Variants in UBE2V2 observed in about 807,000 individuals in gnomAD.
UBE2V2 encodes the protein ubiquitin conjugating enzyme E2 V2.
A neutral mutation model predicts 17.2 loss-of-function variants in UBE2V2; 9 were observed. The ratio of observed to expected loss-of-function variants is 0.52; its 90% CI spans 0.32 to 0.91. The LOEUF (loss-of-function observed/expected upper bound fraction) is 0.91. Among genes scored for constraint, UBE2V2 ranks in the 40% least tolerant of loss-of-function variants. The pLI, the probability that UBE2V2 is intolerant of heterozygous loss-of-function variation, is 0.04. For synonymous variants in UBE2V2, 61 were observed against 57.5 expected (o/e 1.06, Z -0.28); for missense variants, 133 against 182.6 (o/e 0.73, Z 1.56).
In UBE2V2 at chr8:48,060,161, G is replaced by C. The variant is rs141857754; in HGVS notation, c.292-521G>C. Among the ~76,000 whole-genome samples the C allele has an allele frequency of 8.9e-3, 1,239 of 139,236 alleles. 10 individuals are homozygous for C. Among genetic ancestry groups the C allele is most frequent in the Non-Finnish European group, 0.012 (777 of 66,262 alleles). 91.3% of individuals were successfully genotyped at this position (139,236 alleles called of 152,430 possible). A position where few individuals can be genotyped will look rare whatever the true frequency, so the allele number is the denominator to read the frequency against. On this transcript the variant is annotated intron_variant, in intron 3 of 3. Coordinates refer to ENST00000523111, the MANE Select transcript of UBE2V2 (RefSeq NM_003350.3). ...GGAGGCGGAAGTTGCAGTGAGCCAGGATCGCACCACTGTACTCCAGCCTGG... is the reference window on the plus strand; with the variant it reads ...GGAGGCGGAAGTTGCAGTGAGCCAGCATCGCACCACTGTACTCCAGCCTGG...
upstream of UBE2V2, among the ~76,000 whole-genome samples, chr8:48,007,808 G>A (rs1457666402): frequency 6.6e-6 from 1 of 151,138 alleles, no homozygotes; most frequent in Non-Finnish European, 1.5e-5. Context: ...TCTGCTCACT[G>A]CAGCCTCACC....
chr8:48,047,428 G>T (rs1485926845), intron 2 of UBE2V2, among the ~76,000 whole-genome samples: 15 of 152,152 alleles, frequency 9.9e-5, no homozygotes, highest in Admixed American at 9.8e-4. Flanking sequence ...AACAGTGTGA[G>T]AATTAAGTGA....
intron 1 of UBE2V2, among the ~76,000 whole-genome samples, chr8:48,019,315 G>C (rs1372883764): frequency 6.6e-6 from 1 of 152,078 alleles, no homozygotes; most frequent in East Asian, 1.9e-4. Flanking sequence ...AGTAAGCCGA[G>C]ATCACGGCAC....
intron 1 of UBE2V2, among the ~76,000 whole-genome samples, chr8:48,010,974 GC>G (rs1437919098): frequency 7.2e-5 from 10 of 139,162 alleles, no homozygotes; most frequent in Admixed American, 3.7e-4. Context: ...CAGGCAATCC[GC>G]CCACCTTGGC....
chr8:48,064,072 CTT>C lies in UBE2V2; in HGVS notation c.*3247_*3248del, dbSNP rs758044151. 2 of 152,128 alleles carry C rather than the reference CTT, an allele frequency of 1.3e-5. No individual in the cohort carries two copies. The highest frequency in any genetic ancestry group is 2.9e-5 in the Non-Finnish European group (2 of 68,028). 9.4% of individuals were successfully genotyped at this position (152,128 alleles called of 1,614,324 possible). On this transcript the variant is annotated 3_prime_UTR_variant, in exon 4 of 4. Coordinates refer to ENST00000523111, the MANE Select transcript of UBE2V2 (RefSeq NM_003350.3). ...GCCTGCCATCAAAACTGTATCAACT[CTT>C]TTAATGAGCATGTGACTGTATTAGG...
chr8:48,052,838 C>T (rs2091547935), intron 3 of UBE2V2, among the ~76,000 whole-genome samples: 1 of 152,188 alleles, frequency 6.6e-6, no homozygotes. Flanking sequence ...AAGACCTTTG[C>T]ACTTCTGTTC....
intron 1 of UBE2V2, among the ~76,000 whole-genome samples, chr8:48,010,495 G>C (rs565619173): frequency 1.4e-5 from 2 of 144,404 alleles, no homozygotes; most frequent in African/African-American, 5.1e-5. Context: ...TCCGCCTCCC[G>C]GGCTCAAGCG....
At chr8:48,020,600 A>T in intron 1 of UBE2V2, among the ~76,000 whole-genome samples, 1 of 150,700 alleles carries the variant, frequency 6.6e-6, no homozygotes, top group African/African-American at 2.4e-5. Flanking sequence ...TTGGTGGTTG[A>T]TTTTCTCTAG....
At chr8:48,020,436 G>GT (rs1554654257) in intron 1 of UBE2V2, among the ~76,000 whole-genome samples, 2 of 151,756 alleles carry the variant, frequency 1.3e-5, no homozygotes, top group Non-Finnish European at 2.9e-5. Context: ...GTTGGGTCTT[G>GT]TTTTTTTTAA....
At chr8:48,056,634 C>A (rs1359137162) in intron 3 of UBE2V2, among the ~76,000 whole-genome samples, 1 of 152,016 alleles carries the variant, frequency 6.6e-6, no homozygotes, top group African/African-American at 2.4e-5. Context: ...TCAAGAGATC[C>A]ACCCGCCTAT....
rs1162662824 is a variant in UBE2V2 at position 48,062,000 on chromosome 8, C to G, written c.*1172C>G. The stretch of plus-strand genomic sequence containing the variant: ...GGGCTTTTAATACTAACAAGGATAA[C>G]TTTATTCATTCCTCGTATTCTCTAC... On this transcript the variant is annotated 3_prime_UTR_variant, in exon 4 of 4. Coordinates refer to ENST00000523111, the MANE Select transcript of UBE2V2 (RefSeq NM_003350.3). 6.6e-6 allele frequency: 1 copy of G among 152,154 alleles called. No individual in the cohort carries two copies. The highest frequency in any genetic ancestry group is 2.4e-5 in the African/African-American group (1 of 41,432). 9.4% of individuals were successfully genotyped at this position (152,154 alleles called of 1,614,324 possible). A position where few individuals can be genotyped will look rare whatever the true frequency, so the allele number is the denominator to read the frequency against.
chr8:48,060,280 A>T (rs865921828), intron 3 of UBE2V2, among the ~76,000 whole-genome samples: 1 of 151,890 alleles, frequency 6.6e-6, no homozygotes, highest in South Asian at 2.1e-4. Context: ...GGAAAGAAAA[A>T]TCTGAAAGAA....
At chr8:48,036,504 G>A (rs1224768330) in intron 1 of UBE2V2, among the ~76,000 whole-genome samples, 2 of 151,854 alleles carry the variant, frequency 1.3e-5, no homozygotes, top group Non-Finnish European at 2.9e-5. Flanking sequence ...TGCGATCTTG[G>A]CTCACTGCAA....
intron 1 of UBE2V2, among the ~76,000 whole-genome samples, chr8:48,035,378 C>T (rs578033028): frequency 6.6e-6 from 1 of 151,886 alleles, no homozygotes; most frequent in Admixed American, 6.6e-5. Context: ...ACCTTGGCCT[C>T]CCAAAGTGCT....
At chr8:48,004,434 C>T (rs372277215), upstream of UBE2V2, among the ~76,000 whole-genome samples, 56 of 151,254 alleles carry the variant, frequency 3.7e-4, 3 homozygotes, top group East Asian at 5.0e-3. Context: ...AAAACAGTCT[C>T]ATTTTGGCTT....
rs929704110 is a variant in UBE2V2 at position 48,012,517 on chromosome 8, G to A, written c.16+4047G>A. Among the ~76,000 whole-genome samples the A allele has an allele frequency of 1.2e-4, 18 of 152,204 alleles. No individual in the cohort carries two copies. The East Asian group carries it at 1.6e-3, about 13-fold the overall frequency. On this transcript the variant is annotated intron_variant, in intron 1 of 3. Transcript: ENST00000523111. ...GCGGATTACCTGAGGTCGGGAGGTT[G>A]AGACCAGCTGGACCAACATGGAGAA...
chr8:48,007,729 TTTTC>T (rs1457085051), upstream of UBE2V2, among the ~76,000 whole-genome samples: 5 of 97,424 alleles, frequency 5.1e-5, no homozygotes, highest in Admixed American at 2.5e-4. Flanking sequence ...TTACTTTCCT[TTTTC>T]TTTCTTTCTT....
At chr8:48,021,908 T>G (rs200852762) in intron 1 of UBE2V2, among the ~76,000 whole-genome samples, 2 of 148,960 alleles carry the variant, frequency 1.3e-5, no homozygotes, top group East Asian at 4.1e-4. Context: ...TGGAACTCCT[T>G]ACCTCAGATG....
At chr8:48,018,891 T>A (rs779563460) in intron 1 of UBE2V2, among the ~76,000 whole-genome samples, 1 of 152,216 alleles carries the variant, frequency 6.6e-6, no homozygotes, top group Non-Finnish European at 1.5e-5. Context: ...TGTTATTACA[T>A]AATGACCTTC....
Sources: gnomAD v4.1 joint callset for allele counts (sites outside exome capture counted in the v4.1 genomes callset) on GRCh38, gnomAD v4.1.1 for gene constraint, MANE v1.5 for transcripts, NCBI Gene and HGNC (gene_info 2026-07-23, HGNC 2026-07-21) for gene names.